STYX: variants seen among roughly 807,000 people sequenced by gnomAD.
STYX encodes the protein serine/threonine/tyrosine interacting protein.
STYX carries 20 observed loss-of-function variants against 42.7 expected under a neutral mutation model. The observed-to-expected ratio is 0.47, with a 90% confidence interval of 0.33 to 0.68. The LOEUF is 0.68. Among genes scored for constraint, STYX ranks in the 30% least tolerant of loss-of-function variants. The probability of loss-of-function intolerance (pLI) is 0.02; values close to 1 mark genes in which losing one functional copy is unlikely to be tolerated. For synonymous variants in STYX, 78 were observed against 81.9 expected (o/e 0.95, Z 0.26); for missense variants, 226 against 268.5 (o/e 0.84, Z 1.11).
chr14:52,748,233 T>C (rs1881469198), intron 3 of STYX, among the ~76,000 whole-genome samples: 1 of 152,140 alleles, frequency 6.6e-6, no homozygotes, highest in African/African-American at 2.4e-5. Flanking sequence ...ACTGTTATTA[T>C]TTTGTGGGAG....
At chr14:52,766,255 C>A (rs901789846) in intron 9 of STYX, among the ~76,000 whole-genome samples, 8 of 152,160 alleles carry the variant, frequency 5.3e-5, no homozygotes, top group African/African-American at 1.9e-4. Flanking sequence ...CAACCTCTGC[C>A]TCCTGGGTTA....
At chr14:52,758,537 A>C (rs1881964193) in intron 8 of STYX, among the ~76,000 whole-genome samples, 1 of 152,214 alleles carries the variant, frequency 6.6e-6, no homozygotes, top group African/African-American at 2.4e-5. Context: ...ACTTTGCTTA[A>C]AAATATCTAT....
chr14:52,752,889 T>TTG (rs1204581122), intron 4 of STYX, among the ~76,000 whole-genome samples: 4 of 145,460 alleles, frequency 2.7e-5, no homozygotes, highest in African/African-American at 1.0e-4. Flanking sequence ...GTTGTTTTTT[T>TTG]TTTTTTTTTG....
chr14:52,753,837 C>T (rs1287545509), intron 4 of STYX, among the ~76,000 whole-genome samples: 1 of 146,662 alleles, frequency 6.8e-6, no homozygotes, highest in African/African-American at 2.5e-5. Context: ...TTTTTTTTTA[C>T]ACCATATTTA....
rs550865021 is a variant in STYX, at chr14:52,740,149, C to T, written c.58-4703C>T. ...AAAATTAGCCAGGTTTGGTGGTGGG[C>T]GCTTGTAATCCCAGCTACTCAGGAG... is the stretch of plus-strand genomic sequence containing the variant. On this transcript the variant is annotated intron_variant, in intron 1 of 10. Transcript: ENST00000354586. 2.4e-4 allele frequency among the ~76,000 whole-genome samples: 37 copies of T among 152,036 alleles called. No homozygotes were observed. In the East Asian group the frequency reaches 3.3e-3, roughly 14 times the overall value.
In STYX at chr14:52,771,088, G is replaced by A. The variant is rs1229127398; in HGVS notation, c.654G>A (p.Ala218=). 15 of 1,610,794 alleles carry A rather than the reference G, an allele frequency of 9.3e-6. No homozygotes were observed. Among genetic ancestry groups the A allele is most frequent in the African/African-American group, 2.7e-5 (2 of 74,834 alleles). ...ATGATTTTGGAACCATGCAAGTGGC[G>A]ACTGCACAGAATGGCTGACTTGAAG... ...EEDDFGTMQV[A]TAQNG is the part of the protein sequence containing the mutation. The change falls in exon 11 of 11, where the codon GCG becomes GCA. Residue 218 remains alanine, a synonymous_variant. Coordinates refer to ENST00000354586, the MANE Select transcript of STYX (RefSeq NM_145251.4).
chr14:52,754,064 A>G (rs1265239702), intron 4 of STYX, among the ~76,000 whole-genome samples: 2 of 150,956 alleles, frequency 1.3e-5, no homozygotes, highest in African/African-American at 4.9e-5. Context: ...TAATTTTTGT[A>G]TTTTTAGTAG....
chr14:52,732,793 C>A (rs890861567), intron 1 of STYX, among the ~76,000 whole-genome samples: 2 of 152,028 alleles, frequency 1.3e-5, no homozygotes, highest in Non-Finnish European at 1.5e-5. Context: ...GCCTCAGCCG[C>A]CTGAGTAGCT....
chr14:52,755,800 G>A (rs1467047488), intron 4 of STYX, among the ~76,000 whole-genome samples: 1 of 150,608 alleles, frequency 6.6e-6, no homozygotes. Flanking sequence ...TTAGACTTTG[G>A]ACTTCCTCTG....
chr14:52,754,491 G>C (rs776473473), intron 4 of STYX, among the ~76,000 whole-genome samples: 21 of 151,912 alleles, frequency 1.4e-4, no homozygotes, highest in Non-Finnish European at 2.6e-4. Context: ...GGGGTTACAG[G>C]CATGAGCCAC....
chr14:52,749,474 A>G (rs1428894258), intron 3 of STYX, among the ~76,000 whole-genome samples: 1 of 152,228 alleles, frequency 6.6e-6, no homozygotes, highest in Non-Finnish European at 1.5e-5. Flanking sequence ...AAGAAATTCA[A>G]GGTTATCTGA....
At chr14:52,747,394 G>A (rs1028583514) in intron 3 of STYX, among the ~76,000 whole-genome samples, 9 of 152,092 alleles carry the variant, frequency 5.9e-5, no homozygotes, top group African/African-American at 2.2e-4. Flanking sequence ...AATTTAACCG[G>A]TTTTAAAAGG....
chr14:52,734,818 T>G (rs2065053), intron 1 of STYX, among the ~76,000 whole-genome samples: 75,215 of 152,054 alleles, frequency 0.49, 18,690 homozygotes, highest in Middle Eastern at 0.57. Flanking sequence ...TCCCAGCACT[T>G]TGGGAGGCCG....
In STYX at chr14:52,774,402, T is replaced by TC. The variant is rs942531495; in HGVS notation, c.*3296_*3297insC. The TC allele has an allele frequency of 3.5e-4, 13 of 37,434 alleles. No homozygotes were observed. Among genetic ancestry groups the TC allele is most frequent in the African/African-American group, 1.3e-3 (13 of 9,990 alleles). The allele number at this position is 37,434 out of a possible 1,614,324, so 2.3% of individuals were successfully genotyped here. A position where few individuals can be genotyped will look rare whatever the true frequency, so the allele number is the denominator to read the frequency against. On this transcript the variant is annotated 3_prime_UTR_variant, in exon 11 of 11. Transcript: ENST00000354586. ...TAAATGAGCAGTTACCTGGCGGATT[T>TC]TTTTTTTTTTAAATAACTGATTTAA...
intron 4 of STYX, among the ~76,000 whole-genome samples, chr14:52,752,407 G>A (rs1206878099): frequency 6.6e-6 from 1 of 152,034 alleles, no homozygotes; most frequent in African/African-American, 2.4e-5. Context: ...AGAGGTTTCA[G>A]TGAGCCAAGA....
At chr14:52,766,060 G>C (rs528716742) in intron 9 of STYX, among the ~76,000 whole-genome samples, 1 of 152,112 alleles carries the variant, frequency 6.6e-6, no homozygotes, top group Middle Eastern at 3.2e-3. Flanking sequence ...GCAGTGGCGC[G>C]ATCATGGTTC....
At position 52,730,419 on chromosome 14, in the gene STYX, G is replaced by A. The variant is rs759567665; in HGVS notation, c.-56G>A. On this transcript the variant is annotated 5_prime_UTR_variant, in exon 1 of 11. Coordinates refer to ENST00000354586, the MANE Select transcript of STYX (RefSeq NM_145251.4). ...TTCCGCCGCCGCAGCCAGCCCGAGG[G>A]TCGGCCGGCTGTGTAACACTCTCCC... 2 of 1,588,840 alleles carry A rather than the reference G, an allele frequency of 1.3e-6. No individual in the cohort carries two copies. The highest frequency in any genetic ancestry group is 1.7e-4 in the Middle Eastern group (1 of 6,000).
rs1460008836 is a variant in STYX at position 52,765,336 on chromosome 14, G to A, written c.505-3504G>A. Among the ~76,000 whole-genome samples, 3 of 152,072 alleles carry A rather than the reference G, an allele frequency of 2.0e-5. No homozygotes were observed. The East Asian group carries it at 5.8e-4, about 29-fold the overall frequency. Reference sequence around the variant, plus strand: ...CGAGTTCAAGTGATTCTCCGCTTCAGCCTCCTGATTAGCTGGGATTACAGG... The same window carrying A: ...CGAGTTCAAGTGATTCTCCGCTTCAACCTCCTGATTAGCTGGGATTACAGG... On this transcript the variant is annotated intron_variant, in intron 9 of 10. Transcript: ENST00000354586.
chr14:52,748,289 C>T (rs1273621854), intron 3 of STYX, among the ~76,000 whole-genome samples: 4 of 152,024 alleles, frequency 2.6e-5, no homozygotes, highest in East Asian at 1.9e-4. Context: ...TACAGTGGCG[C>T]GCTCTCATAG....
Sources: allele counts gnomAD v4.1 joint callset (sites outside exome capture counted in the v4.1 genomes callset), GRCh38; gene constraint gnomAD v4.1.1; transcripts MANE v1.5; gene names NCBI Gene and HGNC (gene_info 2026-07-23, HGNC 2026-07-21).